CCSER1: variants seen among roughly 807,000 people sequenced by gnomAD.
CCSER1 encodes serine-rich coiled-coil domain-containing protein 1.
Under a neutral mutation model 82.0 loss-of-function variants are expected in CCSER1, and 41 were observed. The observed-to-expected ratio is 0.50, with a 90% CI of 0.39 to 0.65. The LOEUF (loss-of-function observed/expected upper bound fraction) is 0.65. Among genes scored for constraint, CCSER1 ranks in the 30% least tolerant of loss-of-function variants. The pLI is 0.00. For synonymous variants in CCSER1, 414 were observed against 383.9 expected (o/e 1.08, Z -0.92); for missense variants, 1,119 against 1,064.2 (o/e 1.05, Z -0.72).
intron 1 of CCSER1, among the ~76,000 whole-genome samples, chr4:90,164,191 C>T (rs1434633696): frequency 1.3e-5 from 2 of 151,392 alleles, no homozygotes; most frequent in East Asian, 1.9e-4. Context: ...CCATGTCACA[C>T]ATTTAATAAG....
At chr4:91,216,784 C>T (rs1737278486) in intron 10 of CCSER1, among the ~76,000 whole-genome samples, 1 of 152,094 alleles carries the variant, frequency 6.6e-6, no homozygotes, top group South Asian at 2.1e-4. Flanking sequence ...TGTTAATTTA[C>T]CCACTTGTCC....
chr4:90,396,674 GA>G (rs939717105), intron 3 of CCSER1, among the ~76,000 whole-genome samples: 4 of 151,862 alleles, frequency 2.6e-5, no homozygotes, highest in African/African-American at 9.7e-5. Flanking sequence ...ATTACCTAGG[GA>G]GAAGCCATCT....
At chr4:91,008,820 T>C (rs966697481) in intron 9 of CCSER1, among the ~76,000 whole-genome samples, 3 of 152,194 alleles carry the variant, frequency 2.0e-5, no homozygotes, top group Non-Finnish European at 4.4e-5. Flanking sequence ...TCCAAGATGG[T>C]GGCAAGCCTC....
At chr4:91,106,917 G>A (rs1030582388) in intron 10 of CCSER1, among the ~76,000 whole-genome samples, 13 of 152,266 alleles carry the variant, frequency 8.5e-5, no homozygotes, top group Middle Eastern at 3.4e-3. Context: ...AAATATAGCC[G>A]TGTGCCACAG....
At chr4:90,155,090 G>C (rs58200387) in intron 1 of CCSER1, among the ~76,000 whole-genome samples, 3 of 151,918 alleles carry the variant, frequency 2.0e-5, no homozygotes, top group Admixed American at 1.3e-4. Flanking sequence ...TTAGCATGAA[G>C]GGTTGTTGAA....
chr4:90,488,223 C>T (rs1420753642), intron 5 of CCSER1, among the ~76,000 whole-genome samples: 1 of 151,698 alleles, frequency 6.6e-6, no homozygotes, highest in African/African-American at 2.4e-5. Context: ...GCTCTGTTGC[C>T]CAGGCTGGAG....
chr4:90,380,962 A>T (rs1300427676), intron 3 of CCSER1, among the ~76,000 whole-genome samples: 5 of 152,252 alleles, frequency 3.3e-5, no homozygotes, highest in Non-Finnish European at 7.3e-5. Flanking sequence ...GCAGGAAACG[A>T]TGCGGGAGCA....
intron 10 of CCSER1, among the ~76,000 whole-genome samples, chr4:91,255,852 T>C (rs1740639876): frequency 6.6e-6 from 1 of 152,172 alleles, no homozygotes; most frequent in South Asian, 2.1e-4. Context: ...AAACTGAGGA[T>C]GTATGTCACC....
intron 1 of CCSER1, among the ~76,000 whole-genome samples, chr4:90,153,783 C>T (rs1421625303): frequency 6.6e-6 from 1 of 152,006 alleles, no homozygotes; most frequent in African/African-American, 2.4e-5. Context: ...TGGATATTAG[C>T]CGTTTGTCAG....
chr4:90,347,547 AC>A (rs1742589146), intron 3 of CCSER1, among the ~76,000 whole-genome samples: 1 of 152,038 alleles, frequency 6.6e-6, no homozygotes, highest in East Asian at 1.9e-4. Context: ...CTTGTATCTC[AC>A]CCTGACCTTC....
intron 9 of CCSER1, among the ~76,000 whole-genome samples, chr4:91,048,279 T>C (rs1434600229): frequency 2.0e-5 from 3 of 151,948 alleles, no homozygotes; most frequent in African/African-American, 4.8e-5. Context: ...TACACACATA[T>C]ATTTACACAT....
At chr4:91,019,140 AT>A (rs1250751421) in intron 9 of CCSER1, among the ~76,000 whole-genome samples, 8 of 151,014 alleles carry the variant, frequency 5.3e-5, no homozygotes, top group African/African-American at 1.9e-4. Flanking sequence ...TCAGATTTCA[AT>A]TTTTTCTCGG....
At chr4:91,036,554 G>A (rs541165062) in intron 9 of CCSER1, among the ~76,000 whole-genome samples, 47 of 152,112 alleles carry the variant, frequency 3.1e-4, no homozygotes, top group African/African-American at 4.8e-4. Flanking sequence ...CAGAAACCAC[G>A]ATCCTAAATT....
At chr4:91,527,074 A>G (rs1016651082) in intron 10 of CCSER1, among the ~76,000 whole-genome samples, 15 of 152,224 alleles carry the variant, frequency 9.9e-5, no homozygotes, top group African/African-American at 3.4e-4. Context: ...ATAAGAACAC[A>G]GAAGAAGGAA....
intron 6 of CCSER1, among the ~76,000 whole-genome samples, chr4:90,719,988 A>T (rs1742382191): frequency 6.6e-6 from 1 of 152,182 alleles, no homozygotes; most frequent in South Asian, 2.1e-4. Context: ...TTTTCTGAAA[A>T]AAATGGGTCT....
intron 5 of CCSER1, among the ~76,000 whole-genome samples, chr4:90,596,634 A>G (rs1783376399): frequency 6.6e-6 from 1 of 151,888 alleles, no homozygotes; most frequent in Non-Finnish European, 1.5e-5. Flanking sequence ...ATATGAGGAA[A>G]TAAAAGAAGG....
At chr4:90,397,795 A>T (rs1752221774) in intron 3 of CCSER1, among the ~76,000 whole-genome samples, 1 of 152,346 alleles carries the variant, frequency 6.6e-6, no homozygotes. Context: ...GGTTCCAATT[A>T]AAAAGGAGGA....
intron 4 of CCSER1, among the ~76,000 whole-genome samples, chr4:90,408,043 C>T (rs910437095): frequency 2.0e-5 from 3 of 152,178 alleles, no homozygotes; most frequent in Admixed American, 6.5e-5. Context: ...ATTGCTAGCA[C>T]AGCAGTCTAA....
chr4:90,218,352 A>G (rs957699534), intron 1 of CCSER1, among the ~76,000 whole-genome samples: 1 of 152,264 alleles, frequency 6.6e-6, no homozygotes, highest in Non-Finnish European at 1.5e-5. Flanking sequence ...GTATTTAACT[A>G]TTGAGTACTA....
Sources: gnomAD v4.1 joint callset for allele counts (sites outside exome capture counted in the v4.1 genomes callset) on GRCh38, gnomAD v4.1.1 for gene constraint, MANE v1.5 for transcripts, NCBI Gene and HGNC (gene_info 2026-07-23, HGNC 2026-07-21) for gene names.